The following TMEM63C variants were observed in gnomAD, a reference collection of about 807,000 sequenced individuals.
TMEM63C encodes transmembrane protein 63C.
Under a neutral mutation model 99.2 loss-of-function variants are expected in TMEM63C, and 32 were observed. That is an observed-to-expected ratio of 0.32 (90% CI 0.24 to 0.43). The LOEUF (loss-of-function observed/expected upper bound fraction) is 0.43, where lower values mean the gene tolerates loss of function less well. TMEM63C is among the 20% of genes least tolerant of loss of function. TMEM63C has a pLI of 1.00. For synonymous variants in TMEM63C, 376 were observed against 397.9 expected, an observed-to-expected ratio of 0.94 and a Z score of 0.66; for missense variants, 826 against 1,053.0, an observed-to-expected ratio of 0.78 and a Z score of 2.98.
chr14:77,186,549 G>T (rs1460734705), intron 1 of TMEM63C, among the ~76,000 whole-genome samples: 1 of 152,002 alleles, frequency 6.6e-6, no homozygotes, highest in Admixed American at 6.5e-5. Context: ...ACAAAAAAGT[G>T]AAAAAATTAG....
chr14:77,241,900 C>T (rs997371916), intron 13 of TMEM63C, among the ~76,000 whole-genome samples: 2 of 152,146 alleles, frequency 1.3e-5, no homozygotes, highest in African/African-American at 4.8e-5. Flanking sequence ...CTAGGCACCT[C>T]GATTTAGTCA....
At chr14:77,197,991 C>T (rs1315825493) in intron 1 of TMEM63C, among the ~76,000 whole-genome samples, 1 of 152,220 alleles carries the variant, frequency 6.6e-6, no homozygotes, top group Non-Finnish European at 1.5e-5. Context: ...TGCATCCGCA[C>T]ACAAGGCTAG....
intron 16 of TMEM63C, among the ~76,000 whole-genome samples, chr14:77,245,202 T>C (rs964746540): frequency 3.3e-5 from 5 of 152,234 alleles, no homozygotes; most frequent in Non-Finnish European, 7.3e-5. Context: ...TGGTAATGTC[T>C]CTTTAACACA....
chr14:77,211,241 C>G (rs1020792218), intron 1 of TMEM63C, among the ~76,000 whole-genome samples: 7 of 152,208 alleles, frequency 4.6e-5, no homozygotes, highest in Non-Finnish European at 8.8e-5. Flanking sequence ...CAGAGGGTTA[C>G]AAATGGTCTG....
chr14:77,239,413 G>A lies in TMEM63C; in HGVS notation c.727G>A (p.Glu243Lys), dbSNP rs769400928. 12 of 1,613,360 alleles carry A rather than the reference G, an allele frequency of 7.4e-6. No homozygotes were observed. Among genetic ancestry groups the A allele is most frequent in the African/African-American group, 2.7e-5 (2 of 74,920 alleles). The change falls in exon 11 of 24, where the codon GAG (glutamate) becomes AAG (lysine). Residue 243 changes from glutamate (E) to lysine (K), a missense_variant and splice_region_variant. Glu to Lys is a moderately conservative substitution (Grantham distance 56). Coordinates refer to ENST00000298351, the MANE Select transcript of TMEM63C (RefSeq NM_020431.4). ...DPELIIKHFH[E>K]AYPGSVVTRV... The stretch of plus-strand genomic sequence containing the variant: ...CAGCACCCATGTTTGTGGCTGCAGC[G>A]AGGCCTATCCAGGCAGTGTCGTGAC...
At chr14:77,235,154 G>T (rs914623658) in intron 8 of TMEM63C, among the ~76,000 whole-genome samples, 1 of 151,850 alleles carries the variant, frequency 6.6e-6, no homozygotes, top group Non-Finnish European at 1.5e-5. Context: ...CTCAATAAAC[G>T]TTCCCCCCAT....
At chr14:77,225,576 C>T (rs1043715739) in intron 6 of TMEM63C, 115 bp downstream of exon 6, 6 of 1,038,882 alleles carry the variant, frequency 5.8e-6, no homozygotes, top group African/African-American at 1.6e-5. Flanking sequence ...AGCTCCGTAT[C>T]CTCCCCGCCA....
At chr14:77,233,078 G>A (rs1888972539) in intron 7 of TMEM63C, among the ~76,000 whole-genome samples, 1 of 152,232 alleles carries the variant, frequency 6.6e-6, no homozygotes, top group Admixed American at 6.5e-5. Flanking sequence ...TCCTCTGAAT[G>A]AGGCAGTGTT....
chr14:77,225,517 G>C, intron 6 of TMEM63C, 56 bp downstream of exon 6: 1 of 1,593,950 alleles, frequency 6.3e-7, no homozygotes, highest in Non-Finnish European at 8.6e-7. Flanking sequence ...GTGGGGGGTG[G>C]AGGCTCCTGG....
intron 1 of TMEM63C, among the ~76,000 whole-genome samples, chr14:77,189,276 A>ATT (rs5809812): frequency 0.019 from 2,757 of 146,132 alleles, 51 homozygotes; most frequent in East Asian, 0.1. Flanking sequence ...CACCCAGCTA[A>ATT]TTTTTTTTTT....
At chr14:77,193,540 A>T (rs534495059) in intron 1 of TMEM63C, among the ~76,000 whole-genome samples, 1 of 151,860 alleles carries the variant, frequency 6.6e-6, no homozygotes, top group African/African-American at 2.4e-5. Flanking sequence ...TACAAAAATT[A>T]AAAAAAAATT....
chr14:77,255,706 T>C (rs896174599), intron 23 of TMEM63C, among the ~76,000 whole-genome samples: 1 of 152,258 alleles, frequency 6.6e-6, no homozygotes, highest in Non-Finnish European at 1.5e-5. Context: ...CATTCATTAA[T>C]GATGCCGTCA....
At chr14:77,245,283 G>A (rs1889249476) in intron 16 of TMEM63C, among the ~76,000 whole-genome samples, 1 of 152,152 alleles carries the variant, frequency 6.6e-6, no homozygotes, top group African/African-American at 2.4e-5. Flanking sequence ...ATCACTAGTG[G>A]ATCATGCTGT....
intron 6 of TMEM63C, among the ~76,000 whole-genome samples, chr14:77,230,683 G>C (rs927953903): frequency 6.6e-6 from 1 of 152,112 alleles, no homozygotes; most frequent in Non-Finnish European, 1.5e-5. Flanking sequence ...ACTAATGCCT[G>C]ATGATCTGAG....
At position 77,248,338 on chromosome 14, in the gene TMEM63C, A is replaced by G; in HGVS notation, c.1602-9A>G. On this transcript the variant is annotated splice_polypyrimidine_tract_variant and intron_variant, in intron 18 of 23. Transcript: ENST00000298351. ...TCTGTTGCCACCTTCCCTCTCCCTCACTGCCCAGGTGTGTGTTCCTGCCAG... is the reference window on the plus strand; with the variant it reads ...TCTGTTGCCACCTTCCCTCTCCCTCGCTGCCCAGGTGTGTGTTCCTGCCAG... 6.3e-7 allele frequency: 1 copy of G among 1,599,186 alleles called. No homozygotes were observed.
At chr14:77,250,825 T>C (rs1889348164) in intron 21 of TMEM63C, among the ~76,000 whole-genome samples, 1 of 152,216 alleles carries the variant, frequency 6.6e-6, no homozygotes, top group South Asian at 2.1e-4. Flanking sequence ...ACTTCATTTT[T>C]TCCATAATGC....
At position 77,246,634 on chromosome 14, in the gene TMEM63C, T is replaced by C. The variant is rs757793239; in HGVS notation, c.1561T>C (p.Phe521Leu). 1 of 1,613,496 alleles carries C rather than the reference T, an allele frequency of 6.2e-7. No individual in the cohort carries two copies. Among genetic ancestry groups the C allele is most frequent in the South Asian group, 1.1e-5 (1 of 90,824 alleles). Residue 521 changes from phenylalanine to leucine, a missense_variant, in exon 18 of 24, where the codon TTT becomes CTT. Coordinates refer to ENST00000298351, the MANE Select transcript of TMEM63C (RefSeq NM_020431.4). ...TTTGGATGTCTTTCTCCGCTGGCTC[T>C]TTGACATCTACTATCTAGAGCAAGC... ...TSLDVFLRWL[F>L]DIYYLEQASI...
chr14:77,196,459 A>T (rs1888216408), intron 1 of TMEM63C, among the ~76,000 whole-genome samples: 1 of 152,232 alleles, frequency 6.6e-6, no homozygotes, highest in Non-Finnish European at 1.5e-5. Flanking sequence ...GACCCTGCCC[A>T]TGAGGCCTGG....
At position 77,258,021 on chromosome 14, in the gene TMEM63C, G is replaced by A. The variant is rs1889502505; in HGVS notation, c.*1295G>A. 2 of 152,350 alleles carry A rather than the reference G, an allele frequency of 1.3e-5. No individual in the cohort carries two copies. The highest frequency in any genetic ancestry group is 4.1e-4 in the South Asian group (2 of 4,838). The allele number at this position is 152,350 out of a possible 1,614,324, so 9.4% of individuals were successfully genotyped here. On this transcript the variant is annotated 3_prime_UTR_variant, in exon 24 of 24. Transcript: ENST00000298351. The stretch of plus-strand genomic sequence containing the variant: ...CTGGGGGAGCTGAATTCCGAACAGT[G>A]ATGGTGACACTCAGCACCTTTGCCA...
Sources: gnomAD v4.1 joint callset for allele counts (sites outside exome capture counted in the v4.1 genomes callset) on GRCh38, gnomAD v4.1.1 for gene constraint, MANE v1.5 for transcripts, NCBI Gene and HGNC (gene_info 2026-07-23, HGNC 2026-07-21) for gene names.